DNMT1: variants seen among roughly 807,000 people sequenced by gnomAD.
DNMT1 encodes DNA methyltransferase 1.
In DNMT1, 24 loss-of-function variants were observed where a neutral mutation model predicts 205.3. That is an observed-to-expected ratio of 0.12 (90% confidence interval 0.08 to 0.16). The LOEUF is 0.16. DNMT1 is among the 10% of genes least tolerant of loss of function. DNMT1 has a pLI of 1.00. For missense variants in DNMT1, 1,293 were observed against 2,177.7 expected (o/e 0.59, Z 8.09); for synonymous variants, 817 against 839.8 (o/e 0.97, Z 0.47).
Position 10,140,562 on chromosome 19 carries a change from G to T in DNMT1, c.3523+219C>A. 2 of 917,368 alleles carry T rather than the reference G, an allele frequency of 2.2e-6. No individual in the cohort carries two copies. Among genetic ancestry groups the T allele is most frequent in the Non-Finnish European group, 3.3e-6 (2 of 608,330 alleles). The allele number at this position is 917,368 out of a possible 1,614,324, so 56.8% of individuals were successfully genotyped here. Reference sequence around the variant, plus strand: ...TTTTTGTATTCTTATTAGAGACGGGGTTTCACCATGTTGGCCAGGATGGTC... The same window carrying T: ...TTTTTGTATTCTTATTAGAGACGGGTTTTCACCATGTTGGCCAGGATGGTC... On this transcript the variant is annotated intron_variant, in intron 32 of 40. Transcript: ENST00000359526. The surrounding 1 kb of genome is among the most constrained non-coding windows in gnomAD (Gnocchi z 8.4).
chr19:10,159,639 C>G lies in DNMT1; in HGVS notation c.1280+19G>C. 6.2e-7 allele frequency: 1 copy of G among 1,613,280 alleles called. No individual in the cohort carries two copies. ...TGCCTCCTTCCACGAAGCAAACATG[C>G]ACACGAAAGTGCACTTACCTGAAGC... On this transcript the variant is annotated intron_variant, in intron 17 of 40. Transcript: ENST00000359526. The surrounding 1 kb of genome is among the most constrained non-coding windows in gnomAD (Gnocchi z 5.0).
intron 1 of DNMT1, among the ~76,000 whole-genome samples, chr19:10,194,377 G>A (rs939411008): frequency 1.3e-4 from 20 of 150,910 alleles, no homozygotes; most frequent in African/African-American, 3.2e-4. Flanking sequence ...CCACAGAAGC[G>A]CCCCCGGGGA....
rs34930749 is a variant in DNMT1, at chr19:10,154,209, CAG to C, written c.2019+82_2019+83del. 0.094 allele frequency: 133,455 copies of C among 1,425,674 alleles called. 10,028 individuals are homozygous for C. Among genetic ancestry groups the C allele is most frequent in the East Asian group, 0.37 (16,095 of 43,884 alleles). 88.3% of individuals were successfully genotyped at this position (1,425,674 alleles called of 1,614,324 possible). Reference sequence around the variant, plus strand: ...TTTGAGCAGCCAGAGTCTCAAGCCACAGAGAGAAAGATGGAGCAGTCCTCAGA... The same window carrying C: ...TTTGAGCAGCCAGAGTCTCAAGCCACAGAGAAAGATGGAGCAGTCCTCAGA... On this transcript the variant is annotated intron_variant, in intron 22 of 40. Coordinates refer to ENST00000359526, the MANE Select transcript of DNMT1 (RefSeq NM_001130823.3). The surrounding 1 kb of genome is among the most constrained non-coding windows in gnomAD (Gnocchi z 6.3).
At chr19:10,167,479 G>A (rs969425321) in intron 10 of DNMT1, among the ~76,000 whole-genome samples, 1 of 152,134 alleles carries the variant, frequency 6.6e-6, no homozygotes, top group Non-Finnish European at 1.5e-5. Context: ...TTATAGGCGC[G>A]AGCTACTGCA....
intron 9 of DNMT1, among the ~76,000 whole-genome samples, chr19:10,170,200 G>A (rs928164820): frequency 2.6e-4 from 39 of 151,792 alleles, no homozygotes; most frequent in African/African-American, 7.0e-4. Context: ...CAGGAGAATC[G>A]CTGGAACCCA....
intron 27 of DNMT1, among the ~76,000 whole-genome samples, chr19:10,148,080 CA>C (rs1395610516): frequency 7.8e-6 from 1 of 127,928 alleles, no homozygotes; most frequent in African/African-American, 3.1e-5. Flanking sequence ...TGAGCCACTG[CA>C]CTCCAGCCTG....
chr19:10,166,575 A>T (rs769687033), intron 11 of DNMT1, 23 bp downstream of exon 11: 2 of 1,613,974 alleles, frequency 1.2e-6, no homozygotes, highest in South Asian at 2.2e-5. Flanking sequence ...GGGGGAGTTC[A>T]GAAACAAATA....
At chr19:10,149,239 CACTTGA>C (rs2038278959) in intron 26 of DNMT1, among the ~76,000 whole-genome samples, 1 of 151,372 alleles carries the variant, frequency 6.6e-6, no homozygotes. Flanking sequence ...GCAGGAGAAT[CACTTGA>C]ACCCAGGAGG....
chr19:10,133,652 G>A lies in DNMT1; in HGVS notation c.*15C>T. On this transcript the variant is annotated 3_prime_UTR_variant, in exon 41 of 41. Transcript: ENST00000359526. The surrounding 1 kb of genome is among the most constrained non-coding windows in gnomAD (Gnocchi z 4.1). ...GATTCCTGGTGCCAGAAACAGGGGT[G>A]ACGGGAGGGCAGAACTAGTCCTTAG... The A allele has an allele frequency of 6.3e-7, 1 of 1,597,744 alleles. No homozygotes were observed. Among genetic ancestry groups the A allele is most frequent in the Non-Finnish European group, 8.5e-7 (1 of 1,171,310 alleles).
At chr19:10,160,943 G>A (rs886121747) in intron 13 of DNMT1, among the ~76,000 whole-genome samples, 1 of 152,184 alleles carries the variant, frequency 6.6e-6, no homozygotes, top group South Asian at 2.1e-4. Flanking sequence ...AAAAGATTTA[G>A]AGGAAAAGCC....
chr19:10,173,493 C>CT (rs747516765), intron 8 of DNMT1, among the ~76,000 whole-genome samples: 417 of 141,506 alleles, frequency 2.9e-3, no homozygotes, highest in East Asian at 4.7e-3. Context: ...TCTTTTTAAA[C>CT]TTTTTTTTTT....
At chr19:10,175,080 TACATACAC>T (rs1332981961) in intron 7 of DNMT1, among the ~76,000 whole-genome samples, 9 of 90,610 alleles carry the variant, frequency 9.9e-5, no homozygotes, top group Non-Finnish European at 1.6e-4. Context: ...AATACATACA[TACATACAC>T]ACACACACAC....
Position 10,140,005 on chromosome 19 carries a change from C to G in DNMT1, c.3806+41G>C. 6.2e-7 allele frequency: 1 copy of G among 1,602,560 alleles called. No homozygotes were observed. The highest frequency in any genetic ancestry group is 1.3e-5 in the African/African-American group (1 of 75,058). On this transcript the variant is annotated intron_variant, in intron 33 of 40. Transcript: ENST00000359526. This position sits in a 1 kb window ranked among gnomAD's most constrained non-coding sequence, Gnocchi z 8.4. ...ACCACTGCTGACATGCGGCACAGCC[C>G]CGGGCCGTCTGGCAACACTGGGGGG...
At chr19:10,170,783 GTTTGT>G (rs1568246663) in intron 9 of DNMT1, among the ~76,000 whole-genome samples, 1 of 151,438 alleles carries the variant, frequency 6.6e-6, no homozygotes, top group Non-Finnish European at 1.5e-5. Flanking sequence ...TTTTTTGTTT[GTTTGT>G]TTTGTTTGTT....
chr19:10,161,704 G>A (rs766339209), intron 13 of DNMT1, among the ~76,000 whole-genome samples: 1 of 152,168 alleles, frequency 6.6e-6, no homozygotes, highest in Non-Finnish European at 1.5e-5. Context: ...TACAGACCGA[G>A]TCATGTCCCC....
At chr19:10,139,485 T>A (rs920052488) in intron 34 of DNMT1, among the ~76,000 whole-genome samples, 191 bp downstream of exon 34, 6 of 152,216 alleles carry the variant, frequency 3.9e-5, no homozygotes. Context: ...ACACTAGCGG[T>A]GGACTTGCTG....
Position 10,149,983 on chromosome 19 carries a change from A to T in DNMT1, c.2266-15T>A. ...TTCCCATCAGTCTGAAAATGAGAGC[A>T]TAAGTTCATGGAGGATCATTCTGAG... On this transcript the variant is annotated splice_polypyrimidine_tract_variant and intron_variant, in intron 24 of 40. Transcript: ENST00000359526. 1.2e-6 allele frequency: 2 copies of T among 1,609,928 alleles called. No individual in the cohort carries two copies. Among genetic ancestry groups the T allele is most frequent in the East Asian group, 2.2e-5 (1 of 44,868 alleles).
In DNMT1 at chr19:10,154,149, C is replaced by T. The variant is rs890575292; in HGVS notation, c.2019+144G>A. 4.6e-6 allele frequency: 4 copies of T among 868,670 alleles called. No homozygotes were observed. In the East Asian group the frequency reaches 9.7e-5, roughly 21 times the overall value. The allele number at this position is 868,670 out of a possible 1,614,324, so 53.8% of individuals were successfully genotyped here. A position where few individuals can be genotyped will look rare whatever the true frequency, so the allele number is the denominator to read the frequency against. ...TTCAATGAAGTATGCAGGGTCCTCC[C>T]AGACCACTAACTAATTTCTGTCTCA... is the stretch of plus-strand genomic sequence containing the variant. On this transcript the variant is annotated intron_variant, in intron 22 of 40. Transcript: ENST00000359526. The surrounding 1 kb of genome is among the most constrained non-coding windows in gnomAD (Gnocchi z 6.3).
Position 10,140,186 on chromosome 19 carries a change from G to A in DNMT1, c.3666C>T (p.Ser1222=). ...CCTTCTGGGGCAGCCGCTGGCCGCG[G>A]GAGTTGGTGGTCTCCCCAGCCATGA... ...KLVMAGETTN[S]RGQRLPQKGD... Residue 1222 remains serine (S), a synonymous_variant, in exon 33 of 41, where the codon TCC becomes TCT. Transcript: ENST00000359526. The surrounding 1 kb of genome is among the most constrained non-coding windows in gnomAD (Gnocchi z 8.4). 6.2e-7 allele frequency: 1 copy of A among 1,614,022 alleles called. No homozygotes were observed. The highest frequency in any genetic ancestry group is 8.5e-7 in the Non-Finnish European group (1 of 1,180,038).
Sources: gnomAD v4.1 joint callset for allele counts (sites outside exome capture counted in the v4.1 genomes callset) on GRCh38, gnomAD v4.1.1 for gene constraint, Gnocchi (gnomAD v3.1) non-coding constraint, MANE v1.5 for transcripts, NCBI Gene and HGNC (gene_info 2026-07-23, HGNC 2026-07-21) for gene names.